RBPJ: variants seen among roughly 807,000 people sequenced by gnomAD.
RBPJ encodes recombining binding protein suppressor of hairless.
Under a neutral mutation model 67.8 loss-of-function variants are expected in RBPJ, and 9 were observed. The ratio of observed to expected loss-of-function variants is 0.13; its 90% CI spans 0.08 to 0.23. The LOEUF (loss-of-function observed/expected upper bound fraction) is 0.23. Ranked by LOEUF, RBPJ falls within the 10% of genes least tolerant of loss-of-function variation. The pLI is 1.00. For synonymous variants in RBPJ, 198 were observed against 203.3 expected, an observed-to-expected ratio of 0.97 and a Z score of 0.22; for missense variants, 305 against 595.6, an observed-to-expected ratio of 0.51 and a Z score of 5.08.
chr4:26,398,875 G>A (rs1732456444), intron 2 of RBPJ, among the ~76,000 whole-genome samples: 1 of 152,156 alleles, frequency 6.6e-6, no homozygotes, highest in Non-Finnish European at 1.5e-5. Context: ...GCCTCCCAAA[G>A]TGCTGGGATT....
chr4:26,105,762 C>T, the RBPJ span, among the ~76,000 whole-genome samples: 1 of 152,142 alleles, frequency 6.6e-6, no homozygotes, highest in East Asian at 1.9e-4. Flanking sequence ...GAAGATCATT[C>T]AAACATGGTG....
intron 1 of RBPJ, among the ~76,000 whole-genome samples, chr4:26,169,381 C>T (rs1157219477): frequency 6.6e-6 from 1 of 152,246 alleles, no homozygotes; most frequent in Admixed American, 6.5e-5. Context: ...GTCTGCAGAA[C>T]CTCGGATTTT....
At chr4:26,142,944 G>T in the RBPJ span, among the ~76,000 whole-genome samples, 3 of 152,134 alleles carry the variant, frequency 2.0e-5, no homozygotes, top group African/African-American at 7.2e-5. Flanking sequence ...ACCATGCCCG[G>T]CTAATTTTTG....
At chr4:26,190,883 T>C (rs1717459239) in intron 1 of RBPJ, among the ~76,000 whole-genome samples, 1 of 151,856 alleles carries the variant, frequency 6.6e-6, no homozygotes, top group African/African-American at 2.4e-5. Context: ...CAGTGGTTCA[T>C]GCCTATAATC....
rs971311444 is a variant in RBPJ, at chr4:26,433,993, A to G, written c.*2986A>G. ...TCTCATGACTATGCAGTTTCTAAACATACACATAGAAGCTGAGTCTCTGAT... is the reference window on the plus strand; with the variant it reads ...TCTCATGACTATGCAGTTTCTAAACGTACACATAGAAGCTGAGTCTCTGAT... On this transcript the variant is annotated 3_prime_UTR_variant, in exon 11 of 11. Transcript: ENST00000355476. The G allele has an allele frequency of 2.6e-5, 4 of 152,234 alleles. No individual in the cohort carries two copies. The highest frequency in any genetic ancestry group is 5.9e-5 in the Non-Finnish European group (4 of 68,028). 9.4% of individuals were successfully genotyped at this position (152,234 alleles called of 1,614,324 possible).
At chr4:26,299,975 G>A (rs758894078) in intron 1 of RBPJ, among the ~76,000 whole-genome samples, 2 of 152,088 alleles carry the variant, frequency 1.3e-5, no homozygotes, top group African/African-American at 2.4e-5. Flanking sequence ...GTGAGCCACC[G>A]CGCCTGGCCC....
chr4:26,428,640 C>T lies in RBPJ; in HGVS notation c.748-80C>T, dbSNP rs947021149. ...TGTATTATTATGCAGTATATAGCTT[C>T]TATGTACTTTTGATGTTTTACACAA... On this transcript the variant is annotated intron_variant, in intron 7 of 10. Transcript: ENST00000355476. 7.7e-6 allele frequency: 8 copies of T among 1,044,708 alleles called. No individual in the cohort carries two copies. The African/African-American group carries it at 7.9e-5, about 10-fold the overall frequency. 64.7% of individuals were successfully genotyped at this position (1,044,708 alleles called of 1,614,324 possible).
the RBPJ span, chr4:26,113,310 A>G: frequency 2.1e-5 from 10 of 466,216 alleles, no homozygotes; most frequent in Non-Finnish European, 4.2e-5. Flanking sequence ...CTGAGTGAGG[A>G]TAAATAAACC....
At chr4:26,111,241 G>T in the RBPJ span, among the ~76,000 whole-genome samples, 1 of 151,936 alleles carries the variant, frequency 6.6e-6, no homozygotes, top group Non-Finnish European at 1.5e-5. Flanking sequence ...GTCTCAAACT[G>T]GTCCCTGTCC....
chr4:26,340,076 A>G (rs940356807), intron 1 of RBPJ, among the ~76,000 whole-genome samples: 1 of 152,226 alleles, frequency 6.6e-6, no homozygotes, highest in Admixed American at 6.5e-5. Flanking sequence ...AGTACATACT[A>G]CTTACCAGTA....
chr4:26,132,004 T>C, the RBPJ span, among the ~76,000 whole-genome samples: 2 of 152,260 alleles, frequency 1.3e-5, no homozygotes, highest in Non-Finnish European at 1.5e-5. Context: ...GTTTGGAGTA[T>C]TATAGTATTT....
chr4:26,124,197 A>C, the RBPJ span, among the ~76,000 whole-genome samples: 1 of 150,724 alleles, frequency 6.6e-6, no homozygotes, highest in African/African-American at 2.4e-5. Flanking sequence ...TTTATACCTC[A>C]CCCCTTTCCC....
At chr4:26,152,688 G>T in the RBPJ span, among the ~76,000 whole-genome samples, 1 of 152,202 alleles carries the variant, frequency 6.6e-6, no homozygotes, top group Non-Finnish European at 1.5e-5. Context: ...TTGAACCCAG[G>T]TTGTTCTGAA....
chr4:26,423,656 AC>A (rs1735360754), intron 5 of RBPJ, among the ~76,000 whole-genome samples: 1 of 152,206 alleles, frequency 6.6e-6, no homozygotes, highest in Admixed American at 6.5e-5. Context: ...AACTGCTTTA[AC>A]TTTGTGTTTG....
intron 1 of RBPJ, chr4:26,359,812 G>A (rs1026988665): frequency 2.6e-5 from 4 of 152,238 alleles, no homozygotes; most frequent in Non-Finnish European, 4.4e-5. Flanking sequence ...CATTGTTGTC[G>A]TTTCAGATTA....
chr4:26,274,733 C>G (rs373771322), intron 1 of RBPJ, among the ~76,000 whole-genome samples: 332 of 152,246 alleles, frequency 2.2e-3, no homozygotes, highest in African/African-American at 7.3e-3. Flanking sequence ...ACCAGGAGTT[C>G]AAGACCAGCC....
At chr4:26,340,815 C>T (rs757270492) in intron 1 of RBPJ, among the ~76,000 whole-genome samples, 20 of 150,064 alleles carry the variant, frequency 1.3e-4, no homozygotes, top group African/African-American at 2.0e-4. Context: ...GCTGAGATCA[C>T]GCCACTGCAC....
chr4:26,402,633 G>A (rs547115884), intron 2 of RBPJ, among the ~76,000 whole-genome samples: 2 of 152,244 alleles, frequency 1.3e-5, no homozygotes, highest in East Asian at 1.9e-4. Flanking sequence ...TTCTTTCGAG[G>A]TTGTGTCTTT....
chr4:26,344,930 A>G (rs543805074), intron 1 of RBPJ, among the ~76,000 whole-genome samples: 1 of 152,344 alleles, frequency 6.6e-6, no homozygotes, highest in South Asian at 2.1e-4. Flanking sequence ...AGATTTTAAA[A>G]AAATACAGGT....
Sources: allele counts gnomAD v4.1 joint callset (sites outside exome capture counted in the v4.1 genomes callset), GRCh38; gene constraint gnomAD v4.1.1; transcripts MANE v1.5; gene names NCBI Gene and HGNC (gene_info 2026-07-23, HGNC 2026-07-21).